CARD9: variants seen among roughly 807,000 people sequenced by gnomAD.
CARD9 encodes the protein caspase recruitment domain-containing protein 9.
Under a neutral mutation model 66.0 loss-of-function variants are expected in CARD9, and 53 were observed. That is an observed-to-expected ratio of 0.80 (90% CI 0.64 to 1.01). The LOEUF (loss-of-function observed/expected upper bound fraction) is 1.01. CARD9 is among the 50% of genes least tolerant of loss of function. The pLI is 0.00. For synonymous variants in CARD9, 387 were observed against 313.8 expected (o/e 1.23, Z -2.47); for missense variants, 769 against 743.2 (o/e 1.03, Z -0.40).
intron 8 of CARD9, 144 bp downstream of exon 8, chr9:136,367,493 C>G (rs998085876): frequency 9.3e-7 from 1 of 1,080,312 alleles, no homozygotes; most frequent in Non-Finnish European, 1.3e-6. Flanking sequence ...TGTGCCCTCA[C>G]CCCACTGCCA....
intron 11 of CARD9, 140 bp downstream of exon 11, chr9:136,365,001 T>C (rs1833085831): frequency 1.3e-6 from 1 of 768,008 alleles, no homozygotes; most frequent in Non-Finnish European, 2.1e-6. Context: ...CCCCGAGCAC[T>C]GTGGGCAGAG....
chr9:136,367,512 T>C, intron 8 of CARD9, 125 bp downstream of exon 8: 3 of 1,203,432 alleles, frequency 2.5e-6, no homozygotes, highest in Non-Finnish European at 3.5e-6. Flanking sequence ...CAGGAGGGGT[T>C]TGGTTAGGTT....
rs530258196 is a variant in CARD9, at chr9:136,371,665, CCCCCGCTGCGGTGGGAG to C, written c.184+213_185-205del. On this transcript the variant is annotated intron_variant, in intron 2 of 12. Coordinates refer to ENST00000371732, the MANE Select transcript of CARD9 (RefSeq NM_052813.5). ...ACCCGCCCCTTGGCTGTCTCAGGAG[CCCCCGCTGCGGTGGGAG>C]CCCCGCTGCCCCTCTTGGCAGCACC... 3.0e-3 allele frequency among the ~76,000 whole-genome samples: 462 copies of C among 152,314 alleles called. 2 individuals carry two copies. The highest frequency in any genetic ancestry group is 5.5e-3 in the Non-Finnish European group (371 of 68,020).
intron 10 of CARD9, chr9:136,365,771 G>A (rs1194915326): frequency 6.4e-6 from 1 of 155,980 alleles, no homozygotes; most frequent in East Asian, 1.9e-4. Context: ...CAGCCCCACT[G>A]CGGTGAGGGC....
In CARD9 at chr9:136,371,877, C is replaced by T. The variant is rs113897973; in HGVS notation, c.184+18G>A. The stretch of plus-strand genomic sequence containing the variant: ...TGTGGTTGGGTTTGGGGCCTGGGGC[C>T]CGCGGGGCAACACTGACCCACTTTC... On this transcript the variant is annotated intron_variant, in intron 2 of 12. Transcript: ENST00000371732. 9 of 1,579,600 alleles carry T rather than the reference C, an allele frequency of 5.7e-6. No individual in the cohort carries two copies. The highest frequency in any genetic ancestry group is 4.0e-5 in the African/African-American group (3 of 74,528).
At position 136,367,944 on chromosome 9, in the gene CARD9, G is replaced by A. The variant is rs113480528; in HGVS notation, c.1078-116C>T. Reference sequence around the variant, plus strand: ...CGGAGGACGTCAAGCCGCTGGGCGCGGAGGCTGGTCACAGCCCCTCCATTT... The same window carrying A: ...CGGAGGACGTCAAGCCGCTGGGCGCAGAGGCTGGTCACAGCCCCTCCATTT... On this transcript the variant is annotated intron_variant, in intron 7 of 12. Coordinates refer to ENST00000371732, the MANE Select transcript of CARD9 (RefSeq NM_052813.5). 226 of 1,449,538 alleles carry A rather than the reference G, an allele frequency of 1.6e-4. No homozygotes were observed. The African/African-American group carries it at 2.0e-3, about 13-fold the overall frequency. The allele number at this position is 1,449,538 out of a possible 1,614,324, so 89.8% of individuals were successfully genotyped here.
rs372964807 is a variant in CARD9, at chr9:136,370,669, G to A, written c.660C>T (p.Ala220=). Residue 220 remains alanine (A), a synonymous_variant, in exon 5 of 13, where the codon GCC becomes GCT. Transcript: ENST00000371732. The part of the protein sequence containing the change: ...IDQLKHSLMK[A]EDDCKVERKH... ...TGCGCTCCACCTTGCAGTCGTCCTC[G>A]GCCTTCATGAGGCTGTGCTTGAGCT... The A allele has an allele frequency of 7.9e-5, 127 of 1,612,738 alleles. No individual in the cohort carries two copies. The highest frequency in any genetic ancestry group is 9.0e-5 in the Non-Finnish European group (106 of 1,179,896).
rs1334082405 is a variant in CARD9, at chr9:136,370,698, C to G, written c.631G>C (p.Asp211His). The G allele has an allele frequency of 6.2e-7, 1 of 1,612,572 alleles. No individual in the cohort carries two copies. Among genetic ancestry groups the G allele is most frequent in the Non-Finnish European group, 8.5e-7 (1 of 1,179,872 alleles). The change falls in exon 5 of 13, where the codon GAC (aspartate) becomes CAC (histidine). Residue 211 changes from aspartate (D) to histidine (H), a missense_variant. Asp to His is a moderately conservative substitution (Grantham distance 81). Coordinates refer to ENST00000371732, the MANE Select transcript of CARD9 (RefSeq NM_052813.5). ...TTCATGAGGCTGTGCTTGAGCTGGT[C>G]AATCTGCAGAAGGTCCAGTGAGCCT... ...MRNRDLQLEIDQLKHSLMKAE... is the reference protein window; with the variant it reads ...MRNRDLQLEIHQLKHSLMKAE...
In CARD9 at chr9:136,370,356, G is replaced by A. The variant is rs1833232307; in HGVS notation, c.889C>T (p.Gln297Ter). 1 of 1,609,918 alleles carries A rather than the reference G, an allele frequency of 6.2e-7. No individual in the cohort carries two copies. Among genetic ancestry groups the A allele is most frequent in the African/African-American group, 1.3e-5 (1 of 74,896 alleles). ...WRQALRDHQE[Q>*]ANTIFSLRKD... ...CGCAGGGAGAAGATGGTGTTGGCCTGCTCCTGGTGGTCCCGCAGCGCCTGC... is the reference window on the plus strand; with the variant it reads ...CGCAGGGAGAAGATGGTGTTGGCCTACTCCTGGTGGTCCCGCAGCGCCTGC... The change falls in exon 6 of 13, where the codon CAG becomes TAG. Residue 297 changes from glutamine to a stop codon, truncating the protein, a stop_gained. Transcript: ENST00000371732. LOFTEE classifies it high-confidence loss of function.
At chr9:136,367,031 C>T (rs1169976351) in intron 9 of CARD9, among the ~76,000 whole-genome samples, 185 bp downstream of exon 9, 5 of 152,338 alleles carry the variant, frequency 3.3e-5, no homozygotes, top group Non-Finnish European at 5.9e-5. Flanking sequence ...GGGCACTGTC[C>T]GTGCCTTACC....
At chr9:136,368,729 C>T (rs1833186040) in intron 7 of CARD9, among the ~76,000 whole-genome samples, 1 of 152,252 alleles carries the variant, frequency 6.6e-6, no homozygotes, top group Non-Finnish European at 1.5e-5. Context: ...ACTCCCGTGG[C>T]CCAGGCTGGA....
rs865936615 is a variant in CARD9 at position 136,364,156 on chromosome 9, G to A, written c.*146C>T. On this transcript the variant is annotated 3_prime_UTR_variant, in exon 13 of 13. Coordinates refer to ENST00000371732, the MANE Select transcript of CARD9 (RefSeq NM_052813.5). ...AACGGCCCCAATGCCCGGCAGTCCG[G>A]CTGGGCCTTTCAGGGCACCAGATTC... The A allele has an allele frequency of 1.3e-6, 2 of 1,550,574 alleles. No individual in the cohort carries two copies. Among genetic ancestry groups the A allele is most frequent in the Non-Finnish European group, 1.7e-6 (2 of 1,146,868 alleles).
At chr9:136,372,623 T>C (rs1223456976) in intron 1 of CARD9, among the ~76,000 whole-genome samples, 1 of 152,100 alleles carries the variant, frequency 6.6e-6, no homozygotes, top group Non-Finnish European at 1.5e-5. Context: ...GGGGAGCCGG[T>C]TCTTGTGGGA....
intron 7 of CARD9, among the ~76,000 whole-genome samples, chr9:136,369,235 C>A (rs867960621): frequency 6.6e-6 from 1 of 152,086 alleles, no homozygotes; most frequent in Non-Finnish European, 1.5e-5. Flanking sequence ...GGATGACAGG[C>A]GAGAGACACC....
rs1056588589 is a variant in CARD9 at position 136,368,108 on chromosome 9, A to G, written c.1078-280T>C. ...ATGTACCCCCACACGTGCACATTTG[A>G]TAAATTTTGGACGCGGCTTGATATG... On this transcript the variant is annotated intron_variant, in intron 7 of 12. Coordinates refer to ENST00000371732, the MANE Select transcript of CARD9 (RefSeq NM_052813.5). 11 of 1,176,514 alleles carry G rather than the reference A, an allele frequency of 9.3e-6. No homozygotes were observed. In the African/African-American group the frequency reaches 1.6e-4, roughly 17 times the overall value. The allele number at this position is 1,176,514 out of a possible 1,614,324, so 72.9% of individuals were successfully genotyped here.
intron 1 of CARD9, among the ~76,000 whole-genome samples, chr9:136,373,059 C>A (rs933345056): frequency 6.6e-6 from 1 of 152,246 alleles, no homozygotes; most frequent in African/African-American, 2.4e-5. Context: ...ACTGGGACTG[C>A]GGCAAGGCTG....
In CARD9 at chr9:136,364,531, G is replaced by A; in HGVS notation, c.1463C>T (p.Pro488Leu). Reference sequence around the variant, plus strand: ...TTTGAGGCGCCGCCGCTCCTTCTCGGGCGGCTCCCCGCTGCTCAGGCCTGC... The same window carrying A: ...TTTGAGGCGCCGCCGCTCCTTCTCGAGCGGCTCCCCGCTGCTCAGGCCTGC... ...HDAGLSSGEP[P>L]EKERRRLKES... Residue 488 changes from proline to leucine, a missense_variant, in exon 12 of 13, where the codon CCC (proline) becomes CTC (leucine). Pro to Leu is a moderately conservative substitution (Grantham distance 98). Transcript: ENST00000371732. 6.5e-7 allele frequency: 1 copy of A among 1,539,140 alleles called. No homozygotes were observed. Among genetic ancestry groups the A allele is most frequent in the Non-Finnish European group, 8.7e-7 (1 of 1,146,820 alleles).
rs371007197 is a variant in CARD9 at position 136,369,768 on chromosome 9, G to A, written c.1059C>T (p.Val353=). 1.7e-5 allele frequency: 27 copies of A among 1,606,744 alleles called. No homozygotes were observed. Among genetic ancestry groups the A allele is most frequent in the African/African-American group, 4.0e-5 (3 of 74,886 alleles). Residue 353 remains valine, a synonymous_variant, in exon 7 of 13, where the codon GTC becomes GTT. Coordinates refer to ENST00000371732, the MANE Select transcript of CARD9 (RefSeq NM_052813.5). ...IEAILLQMEE[V]AIERDQAIAT... ...TGCCCACCTGGTCCCGCTCAATGGCGACCTCCTCCATCTGCAGCAGGATGG... is the reference window on the plus strand; with the variant it reads ...TGCCCACCTGGTCCCGCTCAATGGCAACCTCCTCCATCTGCAGCAGGATGG...
intron 4 of CARD9, 58 bp downstream of exon 4, chr9:136,370,783 T>A: frequency 6.2e-7 from 1 of 1,603,688 alleles, no homozygotes; most frequent in Non-Finnish European, 8.5e-7. Flanking sequence ...CGCCCCGGCC[T>A]GCAGACCCCG....
Sources: gnomAD v4.1 joint callset for allele counts (sites outside exome capture counted in the v4.1 genomes callset) on GRCh38, gnomAD v4.1.1 for gene constraint, MANE v1.5 for transcripts, NCBI Gene and HGNC (gene_info 2026-07-23, HGNC 2026-07-21) for gene names.